PROKR1: variants seen among roughly 807,000 people sequenced by gnomAD.
The protein encoded by PROKR1 is prokineticin receptor 1, also known as G protein-coupled receptor 73.
In PROKR1, 21 loss-of-function variants were observed where a neutral mutation model predicts 22.8. That is an observed-to-expected ratio of 0.92 (90% CI 0.65 to 1.32). The LOEUF (loss-of-function observed/expected upper bound fraction) is 1.32, where lower values mean the gene tolerates loss of function less well. PROKR1 is among the 40% of genes most tolerant of loss of function. PROKR1 has a pLI of 0.00. For synonymous variants in PROKR1, 193 were observed against 207.5 expected, an observed-to-expected ratio of 0.93 and a Z score of 0.60; for missense variants, 548 against 514.2, an observed-to-expected ratio of 1.07 and a Z score of -0.64.
intron 1 of PROKR1, 117 bp from the exon 2 acceptor site, chr2:68,645,545 A>G: frequency 5.6e-6 from 3 of 535,982 alleles, no homozygotes; most frequent in Middle Eastern, 5.0e-4. Flanking sequence ...TTTCCACTCC[A>G]TCACCCTATG....
intron 2 of PROKR1, among the ~76,000 whole-genome samples, chr2:68,646,984 G>A (rs1351460271): frequency 1.3e-5 from 2 of 152,126 alleles, no homozygotes; most frequent in Admixed American, 1.3e-4. Flanking sequence ...GGAATTCCAG[G>A]CTGCAGTGAG....
In PROKR1 at chr2:68,649,937, T is replaced by C. The variant is rs1192150956; in HGVS notation, c.485+3631T>C. Among the ~76,000 whole-genome samples, 12 of 152,098 alleles carry C rather than the reference T, an allele frequency of 7.9e-5. No individual in the cohort carries two copies. The East Asian group carries it at 2.3e-3, about 30-fold the overall frequency. On this transcript the variant is annotated intron_variant, in intron 2 of 2. Coordinates refer to ENST00000303786, the MANE Select transcript of PROKR1 (RefSeq NM_138964.4). Reference sequence around the variant, plus strand: ...CTGCAGCCAAATTAATCTTCTGTCTTGTACGTGTCTCCACTCTCCTGCTTA... The same window carrying C: ...CTGCAGCCAAATTAATCTTCTGTCTCGTACGTGTCTCCACTCTCCTGCTTA...
intron 2 of PROKR1, among the ~76,000 whole-genome samples, chr2:68,652,124 C>T (rs1673345233): frequency 6.6e-6 from 1 of 152,100 alleles, no homozygotes; most frequent in South Asian, 2.1e-4. Context: ...AGATGTGGGT[C>T]TGAGTCATTG....
chr2:68,646,078 C>T lies in PROKR1; in HGVS notation c.257C>T (p.Ala86Val), dbSNP rs570339911. ...ATTGGAAACTTCATCTTTATCGCTG[C>T]CCTGGTCCGCTACAAGAAACTGCGC... is the stretch of plus-strand genomic sequence containing the variant. ...CGIGNFIFIA[A>V]LVRYKKLRNL... Residue 86 changes from alanine to valine, a missense_variant, in exon 2 of 3, where the codon GCC becomes GTC. Transcript: ENST00000303786. 1.9e-6 allele frequency: 3 copies of T among 1,614,124 alleles called. No individual in the cohort carries two copies. The highest frequency in any genetic ancestry group is 2.7e-5 in the African/African-American group (2 of 75,062).
In PROKR1 at chr2:68,657,675, C is replaced by T. The variant is rs945914447; in HGVS notation, c.*2099C>T. The T allele has an allele frequency of 7.6e-6, 1 of 132,428 alleles. No individual in the cohort carries two copies. The highest frequency in any genetic ancestry group is 3.3e-5 in the African/African-American group (1 of 30,034). The allele number at this position is 132,428 out of a possible 1,614,324, so 8.2% of individuals were successfully genotyped here. The stretch of plus-strand genomic sequence containing the variant: ...GTCTTTTTCTTATTTAACTCTAGAG[C>T]AGCGCACTTACAAGGTTATTTAAGT... On this transcript the variant is annotated 3_prime_UTR_variant, in exon 3 of 3. Transcript: ENST00000303786.
In PROKR1 at chr2:68,646,074, G is replaced by A. The variant is rs138494707; in HGVS notation, c.253G>A (p.Ala85Thr). The change falls in exon 2 of 3, where the codon GCT (alanine) becomes ACT (threonine). Residue 85 changes from alanine (A) to threonine (T), a missense_variant. Coordinates refer to ENST00000303786, the MANE Select transcript of PROKR1 (RefSeq NM_138964.4). Reference sequence around the variant, plus strand: ...CGGCATTGGAAACTTCATCTTTATCGCTGCCCTGGTCCGCTACAAGAAACT... The same window carrying A: ...CGGCATTGGAAACTTCATCTTTATCACTGCCCTGGTCCGCTACAAGAAACT... ...VCGIGNFIFI[A>T]ALVRYKKLRN... 82 of 1,614,154 alleles carry A rather than the reference G, an allele frequency of 5.1e-5. No individual in the cohort carries two copies. In the Middle Eastern group the frequency reaches 3.5e-3, roughly 68 times the overall value.
At position 68,645,927 on chromosome 2, in the gene PROKR1, A is replaced by T. The variant is rs61742477; in HGVS notation, c.106A>T (p.Asn36Tyr). 7.2e-4 allele frequency: 1,156 copies of T among 1,614,210 alleles called. 11 individuals carry two copies. In the African/African-American group the frequency reaches 0.013, roughly 18 times the overall value. ...HGAHATSFPF[N>Y]FSYSDYDMPL... The stretch of plus-strand genomic sequence containing the variant: ...AGCCCATGCCACTTCCTTCCCATTC[A>T]ACTTCAGCTACAGCGACTATGATAT... Residue 36 changes from asparagine to tyrosine, a missense_variant, in exon 2 of 3, where the codon AAC becomes TAC. Coordinates refer to ENST00000303786, the MANE Select transcript of PROKR1 (RefSeq NM_138964.4).
At chr2:68,653,401 C>T (rs1445950974) in intron 2 of PROKR1, among the ~76,000 whole-genome samples, 1 of 146,894 alleles carries the variant, frequency 6.8e-6, no homozygotes, top group Admixed American at 6.7e-5. Flanking sequence ...GGGGGAGGGA[C>T]AGAAAGAGCA....
At position 68,646,189 on chromosome 2, in the gene PROKR1, A is replaced by G. The variant is rs138479762; in HGVS notation, c.368A>G (p.Tyr123Cys). The G allele has an allele frequency of 5.8e-5, 94 of 1,609,704 alleles. No individual in the cohort carries two copies. The highest frequency in any genetic ancestry group is 3.3e-4 in the Middle Eastern group (2 of 6,040). Residue 123 changes from tyrosine to cysteine, a missense_variant, in exon 2 of 3, where the codon TAT becomes TGT. Tyr to Cys is a radical substitution (Grantham distance 194, BLOSUM62 -2). Transcript: ENST00000303786. ...IVCCPFEMDY[Y>C]VVRQLSWEHG... The stretch of plus-strand genomic sequence containing the variant: ...TGCTGCCCCTTTGAGATGGACTACT[A>G]TGTGGTGCGCCAGCTCTCCTGGGAG...
chr2:68,644,676 C>G (rs1234858267), intron 1 of PROKR1, among the ~76,000 whole-genome samples: 1 of 152,194 alleles, frequency 6.6e-6, no homozygotes, highest in Non-Finnish European at 1.5e-5. Flanking sequence ...CTCTGTTCTC[C>G]TGACATTTGT....
chr2:68,648,045 T>C (rs2104183479), intron 2 of PROKR1, among the ~76,000 whole-genome samples: 1 of 152,250 alleles, frequency 6.6e-6, no homozygotes, highest in Admixed American at 6.5e-5. Flanking sequence ...TCTTAGCCCA[T>C]GAACAGGACA....
At chr2:68,649,687 C>T (rs553263205) in intron 2 of PROKR1, 108 of 152,166 alleles carry the variant, frequency 7.1e-4, no homozygotes, top group African/African-American at 2.5e-3. Context: ...AGGGTGGGAC[C>T]TATTCTAGGT....
intron 2 of PROKR1, among the ~76,000 whole-genome samples, chr2:68,651,762 C>T (rs1348586704): frequency 2.0e-5 from 3 of 152,194 alleles, no homozygotes; most frequent in African/African-American, 7.2e-5. Context: ...AGCCCAAATA[C>T]TTCTTTTCCA....
chr2:68,649,020 T>C (rs1487702806), intron 2 of PROKR1, among the ~76,000 whole-genome samples: 1 of 152,236 alleles, frequency 6.6e-6, no homozygotes, highest in Non-Finnish European at 1.5e-5. Flanking sequence ...GTGGATATGA[T>C]AATTCTTAAA....
rs1175972437 is a variant in PROKR1, at chr2:68,655,063, G to A, written c.669G>A (p.Val223=). 1 of 1,613,824 alleles carries A rather than the reference G, an allele frequency of 6.2e-7. No individual in the cohort carries two copies. ...EKIFCGQIWP[V]DQQLYYKSYF... ...TCTTCTGCGGCCAGATCTGGCCTGT[G>A]GACCAGCAGCTCTACTACAAGTCCT... Residue 223 remains valine, a synonymous_variant, in exon 3 of 3, where the codon GTG becomes GTA. Coordinates refer to ENST00000303786, the MANE Select transcript of PROKR1 (RefSeq NM_138964.4).
chr2:68,646,043 G>T lies in PROKR1; in HGVS notation c.222G>T (p.Leu74=), dbSNP rs1673167838. 1.9e-6 allele frequency: 3 copies of T among 1,614,246 alleles called. No individual in the cohort carries two copies. Among genetic ancestry groups the T allele is most frequent in the South Asian group, 2.2e-5 (2 of 91,082 alleles). Residue 74 remains leucine, a synonymous_variant, in exon 2 of 3, where the codon CTG becomes CTT. Transcript: ENST00000303786. ...VIGMALVGIM[L]VCGIGNFIFI... is the part of the protein sequence containing the mutation. ...GGATGGCCCTGGTGGGCATCATGCT[G>T]GTCTGCGGCATTGGAAACTTCATCT... is the stretch of plus-strand genomic sequence containing the variant.
rs371409546 is a variant in PROKR1, at chr2:68,646,102, G to A, written c.281G>A (p.Arg94His). ...GCCCTGGTCCGCTACAAGAAACTGCGCAACCTCACCAACCTGCTCATCGCC... is the reference window on the plus strand; with the variant it reads ...GCCCTGGTCCGCTACAAGAAACTGCACAACCTCACCAACCTGCTCATCGCC... The part of the protein sequence containing the change: ...IAALVRYKKL[R>H]NLTNLLIANL... Residue 94 changes from arginine (R) to histidine (H), a missense_variant, in exon 2 of 3, where the codon CGC becomes CAC. Physicochemically the swap from Arg to His is conservative, Grantham distance 29. Coordinates refer to ENST00000303786, the MANE Select transcript of PROKR1 (RefSeq NM_138964.4). The A allele has an allele frequency of 2.5e-5, 40 of 1,613,488 alleles. No individual in the cohort carries two copies. The highest frequency in any genetic ancestry group is 3.3e-5 in the South Asian group (3 of 91,046).
intron 2 of PROKR1, among the ~76,000 whole-genome samples, chr2:68,653,489 T>C (rs1673378184): frequency 6.6e-6 from 1 of 152,128 alleles, no homozygotes; most frequent in Middle Eastern, 3.2e-3. Context: ...GATAACTTCA[T>C]AGGGATTGGT....
intron 2 of PROKR1, chr2:68,649,579 G>T (rs1299351923): frequency 1.3e-5 from 2 of 152,250 alleles, no homozygotes; most frequent in Non-Finnish European, 2.9e-5. Context: ...AAAGGATGGA[G>T]AGAGATCCAG....
Sources: gnomAD v4.1 joint callset for allele counts (sites outside exome capture counted in the v4.1 genomes callset) on GRCh38, gnomAD v4.1.1 for gene constraint, MANE v1.5 for transcripts, NCBI Gene and HGNC (gene_info 2026-07-23, HGNC 2026-07-21) for gene names.